Variants in CCNB3 observed in about 807,000 individuals in gnomAD.
The protein encoded by CCNB3 is G2/mitotic-specific cyclin-B3.
CCNB3 carries 12 observed loss-of-function variants against 68.0 expected under a neutral mutation model. The ratio of observed to expected loss-of-function variants is 0.18; its 90% confidence interval spans 0.11 to 0.29. The LOEUF (loss-of-function observed/expected upper bound fraction) is 0.29, where lower values mean the gene tolerates loss of function less well. Ranked by LOEUF, CCNB3 falls within the 10% of genes least tolerant of loss-of-function variation. CCNB3 has a pLI of 1.00. For missense variants in CCNB3, 904 were observed against 993.1 expected (o/e 0.91, Z 1.21); for synonymous variants, 354 against 388.9 (o/e 0.91, Z 1.06).
chrX:50,323,620 T>G (rs1167453356), intron 8 of CCNB3, among the ~76,000 whole-genome samples: 11 of 112,595 alleles, frequency 9.8e-5, no homozygotes, highest in Non-Finnish European at 1.5e-4. Flanking sequence ...TAATGTATTT[T>G]ATGTTCATCT....
At chrX:50,282,280 G>A (rs754171815) in intron 1 of CCNB3, among the ~76,000 whole-genome samples, 2 of 111,642 alleles carry the variant, frequency 1.8e-5, no homozygotes, top group Admixed American at 9.6e-5. Flanking sequence ...AGCAGAGCCA[G>A]AACTAGACCT....
At chrX:50,336,057 A>G in intron 8 of CCNB3, among the ~76,000 whole-genome samples, 1 of 110,988 alleles carries the variant, frequency 9.0e-6, no homozygotes, top group Non-Finnish European at 1.9e-5. Context: ...CCACAAACTT[A>G]ATGTCCTTGC....
At position 50,346,742 on chromosome X, in the gene CCNB3, C is replaced by T. The variant is rs1557220355; in HGVS notation, c.3745C>T (p.Leu1249=). The change falls in exon 10 of 13, where the codon CTG becomes TTG. Residue 1249 remains leucine, a synonymous_variant. Transcript: ENST00000376042. ...GGTACTCAGCATGGAAATCAACATCCTGAACGTCCTCAAATGTGACATTAA... is the reference window on the plus strand; with the variant it reads ...GGTACTCAGCATGGAAATCAACATCTTGAACGTCCTCAAATGTGACATTAA... ...SEVLSMEINI[L]NVLKCDINIP... The T allele has an allele frequency of 8.3e-7, 1 of 1,211,266 alleles. No homozygotes were observed. The highest frequency in any genetic ancestry group is 3.0e-5 in the East Asian group (1 of 33,836).
intron 1 of CCNB3, among the ~76,000 whole-genome samples, chrX:50,223,602 A>G (rs1935707707): frequency 8.9e-6 from 1 of 112,154 alleles, no homozygotes; most frequent in Non-Finnish European, 1.9e-5. Flanking sequence ...GAGGCTGCAG[A>G]AAAGCAAAGA....
Position 50,309,159 on chromosome X carries a change from A to G in CCNB3, c.990A>G (p.Leu330=), listed in dbSNP as rs1374875144. 3.3e-6 allele frequency: 4 copies of G among 1,211,168 alleles called. No individual in the cohort carries two copies. Among genetic ancestry groups the G allele is most frequent in the African/African-American group, 1.7e-5 (1 of 57,770 alleles). Residue 330 remains leucine, a synonymous_variant, in exon 6 of 13, where the codon CTA becomes CTG. Transcript: ENST00000376042. The part of the protein sequence containing the change: ...TTEKETLFQE[L]SVLQEKHTTE... ...AGAAGGAGACACTTTTCCAAGAGCT[A>G]TCTGTATTGCAAGAGAAACACACCA...
Position 50,216,853 on chromosome X carries a change from CTG to C in CCNB3, c.-113+11923_-113+11924del, listed in dbSNP as rs1225678352. Among the ~76,000 whole-genome samples, 834 of 106,833 alleles carry C rather than the reference CTG, an allele frequency of 7.8e-3. 9 individuals are homozygous for C. The highest frequency in any genetic ancestry group is 0.027 in the African/African-American group (786 of 29,510). The allele number at this position is 106,833 out of a possible 115,157, so 92.8% of individuals were successfully genotyped here. A position where few individuals can be genotyped will look rare whatever the true frequency, so the allele number is the denominator to read the frequency against. On this transcript the variant is annotated intron_variant, in intron 1 of 12. Transcript: ENST00000376042. ...CACAGTGGTTGCTCTGGGTATTACT[CTG>C]TGTGTGTGTGTGTGTGTGTATTTTC...
chrX:50,312,757 C>T, intron 7 of CCNB3, 125 bp downstream of exon 7: 1 of 468,984 alleles, frequency 2.1e-6, no homozygotes, highest in African/African-American at 2.4e-5. Flanking sequence ...CAACAACTAA[C>T]ATATTGGTAG....
intron 5 of CCNB3, among the ~76,000 whole-genome samples, chrX:50,305,724 G>C (rs1569542771): frequency 9.3e-6 from 1 of 107,504 alleles, no homozygotes; most frequent in Non-Finnish European, 1.9e-5. Context: ...AATTGCCTTG[G>C]ATCTGTGGAT....
chrX:50,335,614 A>G (rs1385704391), intron 8 of CCNB3, among the ~76,000 whole-genome samples: 1 of 111,833 alleles, frequency 8.9e-6, no homozygotes, highest in Non-Finnish European at 1.9e-5. Flanking sequence ...CTTAACTTCT[A>G]TGAGTACAGG....
intron 5 of CCNB3, among the ~76,000 whole-genome samples, chrX:50,300,716 T>C (rs1161638277): frequency 1.8e-5 from 2 of 112,012 alleles, no homozygotes; most frequent in African/African-American, 6.5e-5. Context: ...CTGGATAATA[T>C]CCTGCAGAGT....
At chrX:50,319,499 CTT>C (rs1921906282) in intron 8 of CCNB3, among the ~76,000 whole-genome samples, 1 of 111,432 alleles carries the variant, frequency 9.0e-6, no homozygotes, top group South Asian at 3.7e-4. Flanking sequence ...CTCAGGAGTT[CTT>C]TTTTTGTAGA....
chrX:50,310,795 C>T lies in CCNB3; in HGVS notation c.2626C>T (p.Arg876Ter), dbSNP rs782600658. 3.3e-6 allele frequency: 4 copies of T among 1,210,524 alleles called. No individual in the cohort carries two copies. The highest frequency in any genetic ancestry group is 2.2e-5 in the Admixed American group (1 of 45,882). ...PSIEQEALFK[R>*]HSALWEKPST... Reference sequence around the variant, plus strand: ...CATTGAGCAGGAGGCCCTCTTTAAGCGACACTCAGCTTTGTGGGAGAAGCC... The same window carrying T: ...CATTGAGCAGGAGGCCCTCTTTAAGTGACACTCAGCTTTGTGGGAGAAGCC... Residue 876 changes from arginine (R) to a stop codon, truncating the protein, a stop_gained, in exon 6 of 13, where the codon CGA becomes TGA. Transcript: ENST00000376042. LOFTEE classifies it high-confidence loss of function.
intron 1 of CCNB3, among the ~76,000 whole-genome samples, chrX:50,227,496 A>C (rs1303897737): frequency 1.3e-5 from 1 of 79,385 alleles, no homozygotes; most frequent in East Asian, 3.5e-4. Flanking sequence ...GAATATATAT[A>C]TATAGAATAT....
chrX:50,289,473 G>A (rs12007902), intron 4 of CCNB3, among the ~76,000 whole-genome samples: 3,806 of 111,198 alleles, frequency 0.034, 173 homozygotes, highest in African/African-American at 0.12. Context: ...CTCCCTTCTG[G>A]TATTATTAAG....
At chrX:50,214,994 T>C (rs1935548188) in intron 1 of CCNB3, among the ~76,000 whole-genome samples, 1 of 109,937 alleles carries the variant, frequency 9.1e-6, no homozygotes. Context: ...TGTTATTATT[T>C]ATTTATTTAT....
intron 5 of CCNB3, among the ~76,000 whole-genome samples, chrX:50,298,033 T>G (rs1557211532): frequency 8.9e-6 from 1 of 111,816 alleles, no homozygotes; most frequent in African/African-American, 3.3e-5. Flanking sequence ...GATTTTGGGC[T>G]GAGACAATGG....
At chrX:50,303,022 A>G (rs1420255366) in intron 5 of CCNB3, among the ~76,000 whole-genome samples, 1 of 110,993 alleles carries the variant, frequency 9.0e-6, no homozygotes, top group Non-Finnish European at 1.9e-5. Context: ...TGCTCCATGT[A>G]TTGAGGAACT....
chrX:50,331,084 C>T lies in CCNB3; in HGVS notation c.3517-11118C>T, dbSNP rs782159460. On this transcript the variant is annotated intron_variant, in intron 8 of 12. Coordinates refer to ENST00000376042, the MANE Select transcript of CCNB3 (RefSeq NM_033031.3). ...GGCCCATAATATTGTATGATTCTCTCGGGACCATTCATCATCTTTCTAATT... is the reference window on the plus strand; with the variant it reads ...GGCCCATAATATTGTATGATTCTCTTGGGACCATTCATCATCTTTCTAATT... Among the ~76,000 whole-genome samples, 6 of 111,948 alleles carry T rather than the reference C, an allele frequency of 5.4e-5. No homozygotes were observed. In the East Asian group the frequency reaches 1.1e-3, roughly 21 times the overall value.
intron 10 of CCNB3, among the ~76,000 whole-genome samples, chrX:50,347,041 C>T (rs1298457757): frequency 9.0e-6 from 1 of 110,566 alleles, no homozygotes; most frequent in Non-Finnish European, 1.9e-5. Context: ...GAAGTGAGGC[C>T]AGAGTTGGGG....
Sources: gnomAD v4.1 joint callset for allele counts (sites outside exome capture counted in the v4.1 genomes callset) on GRCh38, gnomAD v4.1.1 for gene constraint, MANE v1.5 for transcripts, NCBI Gene and HGNC (gene_info 2026-07-23, HGNC 2026-07-21) for gene names.